MYO3B: variants seen among roughly 807,000 people sequenced by gnomAD.
The protein encoded by MYO3B is myosin IIIB.
MYO3B carries 156 observed loss-of-function variants against 174.6 expected under a neutral mutation model. The observed-to-expected ratio is 0.89, with a 90% CI of 0.78 to 1.02. The LOEUF is 1.02. Ranked by LOEUF, MYO3B falls within the 50% of genes least tolerant of loss-of-function variation. The pLI is 0.00. For missense variants in MYO3B, 1,632 were observed against 1,639.4 expected, an observed-to-expected ratio of 1.00 and a Z score of 0.08; for synonymous variants, 563 against 569.1, an observed-to-expected ratio of 0.99 and a Z score of 0.15.
At chr2:170,515,897 G>C (rs967632486) in intron 29 of MYO3B, among the ~76,000 whole-genome samples, 4 of 152,124 alleles carry the variant, frequency 2.6e-5, no homozygotes, top group African/African-American at 9.7e-5. Context: ...AGGAGAAAAA[G>C]AGAAGTAGCA....
rs755992823 is a variant in MYO3B at position 170,654,866 on chromosome 2, T to C, written c.*1745T>C. The C allele has an allele frequency of 6.6e-6, 1 of 152,042 alleles. No individual in the cohort carries two copies. The highest frequency in any genetic ancestry group is 6.6e-5 in the Admixed American group (1 of 15,236). 9.4% of individuals were successfully genotyped at this position (152,042 alleles called of 1,614,324 possible). A position where few individuals can be genotyped will look rare whatever the true frequency, so the allele number is the denominator to read the frequency against. ...ATAGCCAATTTTTCAATAGCTGAACTTCACCCAAAAGGTAATGTTTATAAG... is the reference window on the plus strand; with the variant it reads ...ATAGCCAATTTTTCAATAGCTGAACCTCACCCAAAAGGTAATGTTTATAAG... On this transcript the variant is annotated 3_prime_UTR_variant, in exon 35 of 35. Coordinates refer to ENST00000408978, the MANE Select transcript of MYO3B (RefSeq NM_138995.5).
chr2:170,304,964 A>T (rs992120649), intron 7 of MYO3B, among the ~76,000 whole-genome samples: 9 of 146,078 alleles, frequency 6.2e-5, no homozygotes, highest in Non-Finnish European at 1.0e-4. Flanking sequence ...TTTTCCCTTT[A>T]TGGCTTTTGA....
At chr2:170,469,408 C>G (rs967668181) in intron 25 of MYO3B, among the ~76,000 whole-genome samples, 1 of 152,182 alleles carries the variant, frequency 6.6e-6, no homozygotes, top group Non-Finnish European at 1.5e-5. Context: ...CCTTCCCAGT[C>G]GAGCTCGCTG....
intron 32 of MYO3B, among the ~76,000 whole-genome samples, chr2:170,552,768 C>T (rs1318712319): frequency 1.3e-5 from 2 of 152,188 alleles, no homozygotes; most frequent in Non-Finnish European, 2.9e-5. Context: ...CGGGGCATTT[C>T]AGAGACCTTC....
intron 32 of MYO3B, among the ~76,000 whole-genome samples, chr2:170,561,272 A>G (rs987149914): frequency 1.3e-5 from 2 of 152,206 alleles, no homozygotes; most frequent in Admixed American, 6.5e-5. Context: ...AAATTAACCC[A>G]TATGACCAGA....
intron 25 of MYO3B, among the ~76,000 whole-genome samples, chr2:170,466,978 T>C (rs1684679524): frequency 6.6e-6 from 1 of 152,174 alleles, no homozygotes; most frequent in South Asian, 2.1e-4. Context: ...GGTCTCAAGT[T>C]CTCCAGGTAT....
In MYO3B at chr2:170,499,629, C is replaced by T; in HGVS notation, c.3127-17C>T. On this transcript the variant is annotated splice_polypyrimidine_tract_variant and intron_variant, in intron 26 of 34. Transcript: ENST00000408978. ...GAGGAACCCATATGTAATGCTAAAACTACTGTCTCGTTTCAGGTTTTTCTC... is the reference window on the plus strand; with the variant it reads ...GAGGAACCCATATGTAATGCTAAAATTACTGTCTCGTTTCAGGTTTTTCTC... 1.2e-6 allele frequency: 2 copies of T among 1,613,012 alleles called. No homozygotes were observed.
chr2:170,588,114 C>A (rs757110494), intron 32 of MYO3B, among the ~76,000 whole-genome samples: 2 of 151,952 alleles, frequency 1.3e-5, no homozygotes, highest in Non-Finnish European at 2.9e-5. Flanking sequence ...ACTATGAGAA[C>A]CCCAGGGACT....
At chr2:170,642,734 G>A (rs920604173) in intron 32 of MYO3B, among the ~76,000 whole-genome samples, 3 of 152,106 alleles carry the variant, frequency 2.0e-5, no homozygotes, top group Admixed American at 1.3e-4. Flanking sequence ...CAAGGAGCCA[G>A]ACCACAGAGA....
chr2:170,540,281 G>A (rs986724295), intron 30 of MYO3B, among the ~76,000 whole-genome samples: 4 of 151,756 alleles, frequency 2.6e-5, no homozygotes, highest in Admixed American at 6.6e-5. Flanking sequence ...CCATGATCAT[G>A]TCACTGCACT....
intron 22 of MYO3B, among the ~76,000 whole-genome samples, chr2:170,433,786 G>T (rs1472183799): frequency 6.6e-6 from 1 of 152,122 alleles, no homozygotes; most frequent in Non-Finnish European, 1.5e-5. Flanking sequence ...TTGTAAGTAC[G>T]CTCTATGCTG....
At chr2:170,333,752 A>C (rs1195840156) in intron 7 of MYO3B, among the ~76,000 whole-genome samples, 1 of 152,204 alleles carries the variant, frequency 6.6e-6, no homozygotes, top group African/African-American at 2.4e-5. Context: ...TTTATCTTCT[A>C]TAAAGTCTTT....
intron 32 of MYO3B, among the ~76,000 whole-genome samples, chr2:170,600,369 A>G (rs1397744671): frequency 6.6e-6 from 1 of 152,180 alleles, no homozygotes; most frequent in Non-Finnish European, 1.5e-5. Flanking sequence ...ATTGTTCCCT[A>G]AACTGCTAGG....
chr2:170,435,797 C>A (rs986179242), intron 22 of MYO3B, among the ~76,000 whole-genome samples: 11 of 152,188 alleles, frequency 7.2e-5, no homozygotes, highest in African/African-American at 2.7e-4. Flanking sequence ...TGCCCACCAA[C>A]AATCACCACT....
intron 9 of MYO3B, among the ~76,000 whole-genome samples, chr2:170,377,769 T>C (rs1289405660): frequency 1.3e-5 from 2 of 152,220 alleles, no homozygotes; most frequent in East Asian, 1.9e-4. Flanking sequence ...ATATAAACTT[T>C]ACTGGAATTT....
At chr2:170,204,222 A>G (rs1365197985) in intron 3 of MYO3B, among the ~76,000 whole-genome samples, 1 of 152,256 alleles carries the variant, frequency 6.6e-6, no homozygotes, top group East Asian at 1.9e-4. Context: ...TGAGAGGCGG[A>G]CAGTGTCCAA....
intron 32 of MYO3B, among the ~76,000 whole-genome samples, chr2:170,637,587 G>C (rs1697627903): frequency 6.7e-6 from 1 of 149,430 alleles, no homozygotes; most frequent in Admixed American, 6.8e-5. Context: ...TCAGGTCAGG[G>C]AGGGCATGAG....
intron 1 of MYO3B, among the ~76,000 whole-genome samples, chr2:170,184,378 T>C (rs1373606236): frequency 6.6e-6 from 1 of 152,132 alleles, no homozygotes; most frequent in Admixed American, 6.5e-5. Flanking sequence ...CCTTCTACTC[T>C]GTCTCCATGA....
At chr2:170,384,925 C>A (rs757744813) in intron 12 of MYO3B, among the ~76,000 whole-genome samples, 1 of 152,168 alleles carries the variant, frequency 6.6e-6, no homozygotes, top group Non-Finnish European at 1.5e-5. Context: ...AATGGAGTAC[C>A]TAGGCTTCTC....
Sources: gnomAD v4.1 joint callset for allele counts (sites outside exome capture counted in the v4.1 genomes callset) on GRCh38, gnomAD v4.1.1 for gene constraint, MANE v1.5 for transcripts, NCBI Gene and HGNC (gene_info 2026-07-23, HGNC 2026-07-21) for gene names.